The following TMED3 variants were observed in gnomAD, a reference collection of about 807,000 sequenced individuals.
TMED3 encodes transmembrane p24 trafficking protein 3.
TMED3 carries 9 observed loss-of-function variants against 15.0 expected under a neutral mutation model. That is an observed-to-expected ratio of 0.60 (90% confidence interval 0.36 to 1.04). The LOEUF (loss-of-function observed/expected upper bound fraction) is 1.04. TMED3 is among the 50% of genes least tolerant of loss of function. The pLI is 0.01. For missense variants in TMED3, 267 were observed against 278.9 expected (o/e 0.96, Z 0.30); for synonymous variants, 117 against 121.4 (o/e 0.96, Z 0.24).
intron 2 of TMED3, among the ~76,000 whole-genome samples, chr15:79,389,673 G>C (rs1283205380): frequency 6.6e-6 from 1 of 152,098 alleles, no homozygotes; most frequent in African/African-American, 2.4e-5. Context: ...TTTGTATATT[G>C]TTTTTGGCAG....
intron 2 of TMED3, among the ~76,000 whole-genome samples, chr15:79,406,709 C>G (rs1435050932): frequency 6.6e-6 from 1 of 152,186 alleles, no homozygotes; most frequent in Non-Finnish European, 1.5e-5. Context: ...CTCATCAGAA[C>G]TCCACTTTTT....
chr15:79,369,920 G>A (rs1035300108), intron 2 of TMED3, among the ~76,000 whole-genome samples: 3 of 152,156 alleles, frequency 2.0e-5, no homozygotes, highest in African/African-American at 7.2e-5. Context: ...GTCCCTGCTA[G>A]GGCAGCTTCC....
At chr15:79,345,824 C>A (rs775364878) in intron 2 of TMED3, among the ~76,000 whole-genome samples, 27 of 152,126 alleles carry the variant, frequency 1.8e-4, no homozygotes, top group Non-Finnish European at 3.2e-4. Context: ...TTATTTTTTC[C>A]CTTTTACTAA....
chr15:79,337,349 T>C (rs1181055696), intron 2 of TMED3, among the ~76,000 whole-genome samples: 2 of 152,236 alleles, frequency 1.3e-5, no homozygotes, highest in Admixed American at 6.5e-5. Context: ...CTCACTGTAG[T>C]TAATTTAATT....
intron 2 of TMED3, among the ~76,000 whole-genome samples, chr15:79,355,907 T>A (rs1034312013): frequency 5.3e-5 from 8 of 152,196 alleles, no homozygotes; most frequent in Non-Finnish European, 8.8e-5. Flanking sequence ...TTCGAGAAAA[T>A]GTAATTTACC....
intron 2 of TMED3, 115 bp from the exon 3 acceptor site, chr15:79,321,863 C>T: frequency 2.4e-6 from 3 of 1,275,708 alleles, no homozygotes; most frequent in Non-Finnish European, 3.3e-6. Flanking sequence ...AGCACAGACT[C>T]TTAGTTAGCA....
intron 2 of TMED3, among the ~76,000 whole-genome samples, chr15:79,334,712 C>T (rs564149060): frequency 2.6e-5 from 4 of 152,068 alleles, no homozygotes; most frequent in Admixed American, 6.6e-5. Flanking sequence ...ATAGAAGGCA[C>T]GCAGGAAATG....
chr15:79,322,434 G>A lies in TMED3; in HGVS notation c.*220G>A, dbSNP rs183560074. On this transcript the variant is annotated 3_prime_UTR_variant, in exon 3 of 3. Coordinates refer to ENST00000299705, the MANE Select transcript of TMED3 (RefSeq NM_007364.4). ...CATCCGACTGCATTAAGTGTGCAGCGCTGAAAAGACATTTACAACTAGGCC... is the reference window on the plus strand; with the variant it reads ...CATCCGACTGCATTAAGTGTGCAGCACTGAAAAGACATTTACAACTAGGCC... The A allele has an allele frequency of 2.7e-4, 368 of 1,382,908 alleles. 1 individual carries two copies. The highest frequency in any genetic ancestry group is 2.1e-3 in the Admixed American group (65 of 30,830). 85.7% of individuals were successfully genotyped at this position (1,382,908 alleles called of 1,614,324 possible).
intron 2 of TMED3, among the ~76,000 whole-genome samples, chr15:79,408,995 C>G (rs1893936717): frequency 6.6e-6 from 1 of 152,164 alleles, no homozygotes; most frequent in Non-Finnish European, 1.5e-5. Flanking sequence ...ATATAGATTT[C>G]TTTGTTAATT....
At chr15:79,405,275 G>T (rs545732995) in intron 2 of TMED3, among the ~76,000 whole-genome samples, 1 of 152,276 alleles carries the variant, frequency 6.6e-6, no homozygotes, top group Non-Finnish European at 1.5e-5. Context: ...AAACTCCCCT[G>T]TGGTGATTGC....
intron 2 of TMED3, among the ~76,000 whole-genome samples, chr15:79,332,247 G>A (rs548081022): frequency 2.0e-5 from 3 of 152,174 alleles, no homozygotes; most frequent in Non-Finnish European, 4.4e-5. Context: ...GGTAGATACC[G>A]CCATCATCAA....
At chr15:79,368,352 T>C (rs79805800) in intron 2 of TMED3, among the ~76,000 whole-genome samples, 331 of 152,210 alleles carry the variant, frequency 2.2e-3, no homozygotes, top group Non-Finnish European at 4.0e-3. Flanking sequence ...TGGCAGCAGA[T>C]TGGAAGTTGG....
intron 2 of TMED3, among the ~76,000 whole-genome samples, chr15:79,321,205 C>T (rs1334506673): frequency 1.3e-5 from 2 of 152,216 alleles, no homozygotes; most frequent in African/African-American, 4.8e-5. Flanking sequence ...GTCATATTAA[C>T]GTGATGCAGT....
chr15:79,324,598 G>C (rs1186485387), downstream of TMED3, among the ~76,000 whole-genome samples: 1 of 152,156 alleles, frequency 6.6e-6, no homozygotes, highest in Non-Finnish European at 1.5e-5. Context: ...ATATATGGTA[G>C]AAATTATCTC....
intron 2 of TMED3, among the ~76,000 whole-genome samples, chr15:79,349,140 A>G (rs2058882013): frequency 6.6e-6 from 1 of 152,106 alleles, no homozygotes; most frequent in Non-Finnish European, 1.5e-5. Context: ...GTCTGGCTTC[A>G]TTTGTCTTTT....
At chr15:79,360,672 G>T (rs183721086) in intron 2 of TMED3, among the ~76,000 whole-genome samples, 3 of 151,320 alleles carry the variant, frequency 2.0e-5, no homozygotes, top group South Asian at 2.1e-4. Flanking sequence ...AGCGATGCAG[G>T]TGTCCAAAAG....
At chr15:79,413,082 CT>C (rs959529861) in exon 3 of TMED3, 5 of 152,186 alleles carry the variant, frequency 3.3e-5, no homozygotes, top group South Asian at 2.1e-4. Flanking sequence ...AGGACAGCAA[CT>C]TCAAAGACTG....
chr15:79,404,174 G>C (rs1379605585), intron 2 of TMED3, among the ~76,000 whole-genome samples: 1 of 152,198 alleles, frequency 6.6e-6, no homozygotes, highest in Non-Finnish European at 1.5e-5. Flanking sequence ...TGGAGAGCTG[G>C]AGGAAGCACA....
intron 2 of TMED3, among the ~76,000 whole-genome samples, chr15:79,408,332 C>T (rs937365555): frequency 2.0e-5 from 3 of 152,228 alleles, no homozygotes; most frequent in African/African-American, 7.2e-5. Flanking sequence ...CAGTTCCTCC[C>T]ATCGGACGTA....
Sources: allele counts gnomAD v4.1 joint callset (sites outside exome capture counted in the v4.1 genomes callset), GRCh38; gene constraint gnomAD v4.1.1; transcripts MANE v1.5; gene names NCBI Gene and HGNC (gene_info 2026-07-23, HGNC 2026-07-21).